Variants in DZANK1 observed in about 807,000 individuals in gnomAD.
The protein encoded by DZANK1 is double zinc ribbon and ankyrin repeat domains 1.
Under a neutral mutation model 94.5 loss-of-function variants are expected in DZANK1, and 91 were observed. The ratio of observed to expected loss-of-function variants is 0.96; its 90% CI spans 0.81 to 1.15. The LOEUF (loss-of-function observed/expected upper bound fraction) is 1.15. DZANK1 is among the 50% of genes most tolerant of loss of function. The pLI is 0.00. For missense variants in DZANK1, 903 were observed against 916.4 expected, an observed-to-expected ratio of 0.99 and a Z score of 0.19; for synonymous variants, 312 against 325.3, an observed-to-expected ratio of 0.96 and a Z score of 0.44.
At chr20:18,433,958 C>T in intron 8 of DZANK1, 193 bp from the exon 9 acceptor site, 3 of 547,486 alleles carry the variant, frequency 5.5e-6, no homozygotes, top group East Asian at 5.9e-5. Flanking sequence ...TTTTGTAAAA[C>T]AATTTTTTAA....
At chr20:18,384,338 C>T (rs745858781) in exon 21 of DZANK1, 88 of 1,506,942 alleles carry the variant, frequency 5.8e-5, no homozygotes, top group African/African-American at 1.2e-4. Context: ...GGATTACAGG[C>T]GTAAGCCACT....
At chr20:18,393,586 G>A in intron 17 of DZANK1, 125 bp downstream of exon 17, 1 of 631,458 alleles carries the variant, frequency 1.6e-6, no homozygotes, top group African/African-American at 1.8e-5. Flanking sequence ...AGGATGCCAT[G>A]AGAAACCTCA....
intron 8 of DZANK1, among the ~76,000 whole-genome samples, chr20:18,434,173 G>GT (rs2058413560): frequency 6.6e-6 from 1 of 150,828 alleles, no homozygotes; most frequent in South Asian, 2.1e-4. Flanking sequence ...AAAGAGAGAT[G>GT]TTAAAAAAAA....
chr20:18,391,089 G>C (rs1226710253), intron 17 of DZANK1, among the ~76,000 whole-genome samples: 1 of 152,140 alleles, frequency 6.6e-6, no homozygotes, highest in East Asian at 1.9e-4. Context: ...TACTTGGGAG[G>C]CTAAGGCAGG....
At position 18,394,370 on chromosome 20, in the gene DZANK1, A is replaced by G. The variant is rs983478006; in HGVS notation, c.1612-20T>C. ...AAGGTTCTGGCCAATGAAAACATTT[A>G]AACACCATGAATGATGAGGCTGCTT... On this transcript the variant is annotated intron_variant, in intron 15 of 20. Transcript: ENST00000262547. 2 of 1,607,394 alleles carry G rather than the reference A, an allele frequency of 1.2e-6. No individual in the cohort carries two copies. Among genetic ancestry groups the G allele is most frequent in the African/African-American group, 2.7e-5 (2 of 74,922 alleles).
At chr20:18,448,935 A>G (rs1420992260) in intron 7 of DZANK1, 49 bp downstream of exon 7, 1 of 1,401,884 alleles carries the variant, frequency 7.1e-7, no homozygotes, top group East Asian at 2.3e-5. Context: ...TTTGACCATG[A>G]TGTATCTTTG....
In DZANK1 at chr20:18,384,530, C is replaced by T. The variant is rs750177030; in HGVS notation, c.2128G>A (p.Gly710Ser). ...AGAGCCAGGTCGTATGCTGTCTGGC[C>T]TCCTGCATTCTTCTTTTGGATGCTT... The change falls in exon 21 of 21, where the codon GGC (glycine) becomes AGC (serine). Residue 710 changes from glycine (G) to serine (S), a missense_variant. Transcript: ENST00000262547. The T allele has an allele frequency of 1.2e-5, 20 of 1,608,472 alleles. 1 individual carries two copies. Among genetic ancestry groups the T allele is most frequent in the Admixed American group, 1.2e-4 (7 of 58,870 alleles).
chr20:18,438,908 C>G (rs1025479269), intron 8 of DZANK1, among the ~76,000 whole-genome samples: 2 of 152,204 alleles, frequency 1.3e-5, no homozygotes, highest in African/African-American at 4.8e-5. Flanking sequence ...AGGGGTTCAT[C>G]ATCACGACCT....
At chr20:18,413,064 C>G (rs145724539) in intron 12 of DZANK1, 1 of 593,092 alleles carries the variant, frequency 1.7e-6, no homozygotes, top group East Asian at 2.8e-5. Flanking sequence ...CATTTATTAT[C>G]TAAAAGTCAG....
intron 13 of DZANK1, among the ~76,000 whole-genome samples, chr20:18,407,415 C>T (rs2057018429): frequency 6.6e-6 from 1 of 152,212 alleles, no homozygotes; most frequent in Non-Finnish European, 1.5e-5. Flanking sequence ...GGGTCCAAGT[C>T]CCTTCGAATA....
intron 13 of DZANK1, among the ~76,000 whole-genome samples, chr20:18,406,429 T>A (rs528566502): frequency 6.6e-6 from 1 of 152,318 alleles, no homozygotes; most frequent in African/African-American, 2.4e-5. Context: ...CCAGCTGACA[T>A]TTCTAGGCAA....
At position 18,458,029 on chromosome 20, in the gene DZANK1, G is replaced by A. The variant is rs141063081; in HGVS notation, c.263+2124C>T. 3.8e-3 allele frequency among the ~76,000 whole-genome samples: 571 copies of A among 152,174 alleles called. 7 individuals carry two copies. The South Asian group carries it at 0.04, about 11-fold the overall frequency. On this transcript the variant is annotated intron_variant, in intron 3 of 20. Transcript: ENST00000262547. ...ATGTGATTATGGCTCAAAAGTTACC[G>A]CAGCCAGTGTTTCTATTTGACCTGG...
intron 10 of DZANK1, chr20:18,420,771 G>C: frequency 5.5e-6 from 1 of 182,188 alleles, no homozygotes; most frequent in South Asian, 1.0e-4. Context: ...ACAATTTTAG[G>C]TTGGTTTTAA....
intron 19 of DZANK1, among the ~76,000 whole-genome samples, chr20:18,388,293 G>A (rs569055930): frequency 7.9e-5 from 12 of 152,270 alleles, no homozygotes; most frequent in South Asian, 6.2e-4. Flanking sequence ...AGGTATAACC[G>A]CAGTGTCAGA....
At chr20:18,414,392 T>C in exon 12 of DZANK1, 3 of 1,614,012 alleles carry the variant, frequency 1.9e-6, no homozygotes, top group Non-Finnish European at 2.5e-6. Context: ...GCCAGGCTTC[T>C]GTCCAAGCTA....
chr20:18,394,937 T>C (rs4361192), intron 15 of DZANK1: 56,036 of 454,658 alleles, frequency 0.12, 5,360 homozygotes, highest in East Asian at 0.54. Context: ...GTCTACATAA[T>C]GAGGCCAGAC....
At chr20:18,455,606 C>T (rs544825751) in intron 3 of DZANK1, among the ~76,000 whole-genome samples, 1 of 152,340 alleles carries the variant, frequency 6.6e-6, no homozygotes, top group Admixed American at 6.5e-5. Context: ...GATTCACGGT[C>T]CCCACTGGGT....
intron 13 of DZANK1, among the ~76,000 whole-genome samples, chr20:18,410,308 T>C (rs1307209915): frequency 6.6e-6 from 1 of 152,138 alleles, no homozygotes; most frequent in Non-Finnish European, 1.5e-5. Flanking sequence ...AATTGAATTA[T>C]AGGGGTAGAA....
chr20:18,451,024 C>T (rs1269106886), intron 6 of DZANK1, among the ~76,000 whole-genome samples: 3 of 152,218 alleles, frequency 2.0e-5, no homozygotes, highest in African/African-American at 7.2e-5. Flanking sequence ...TGGCTCACTG[C>T]AACCTCCGCC....
Sources: allele counts gnomAD v4.1 joint callset (sites outside exome capture counted in the v4.1 genomes callset), GRCh38; gene constraint gnomAD v4.1.1; transcripts MANE v1.5; gene names NCBI Gene and HGNC (gene_info 2026-07-23, HGNC 2026-07-21).